The following CLIP2 variants were observed in gnomAD, a reference collection of about 807,000 sequenced individuals.
CLIP2 encodes the protein CAP-Gly domain containing linker protein 2.
In CLIP2, 41 loss-of-function variants were observed where a neutral mutation model predicts 111.7. The observed-to-expected ratio is 0.37, with a 90% CI of 0.29 to 0.48. CLIP2 has a LOEUF of 0.48. Ranked by LOEUF, CLIP2 falls within the 20% of genes least tolerant of loss-of-function variation. The pLI is 0.99. For missense variants in CLIP2, 1,160 were observed against 1,422.1 expected (o/e 0.82, Z 2.96); for synonymous variants, 660 against 644.2 (o/e 1.02, Z -0.37).
chr7:74,310,773 A>G (rs1406604142), intron 1 of CLIP2, among the ~76,000 whole-genome samples: 1 of 150,884 alleles, frequency 6.6e-6, no homozygotes, highest in Non-Finnish European at 1.5e-5. Context: ...GTGCAGTGGC[A>G]CAATCTTGGC....
At chr7:74,371,206 T>C (rs1790606389) in intron 8 of CLIP2, among the ~76,000 whole-genome samples, 1 of 135,610 alleles carries the variant, frequency 7.4e-6, no homozygotes, top group South Asian at 2.4e-4. Context: ...ATCGCGCCAC[T>C]GCGCTCCAGC....
At chr7:74,390,162 G>GAAAAAGAAAGAAAGAAAGAAAGAAAGA (rs1215571636) in intron 13 of CLIP2, among the ~76,000 whole-genome samples, 7 of 85,016 alleles carry the variant, frequency 8.2e-5, no homozygotes, top group Admixed American at 1.3e-4. Flanking sequence ...AAGAAAGAAA[G>GAAAAAGAAAGAAAGAAAGAAAGAAAGA]AAGAAAGAAA....
chr7:74,346,788 C>T (rs1011564008), intron 3 of CLIP2, among the ~76,000 whole-genome samples: 1 of 147,674 alleles, frequency 6.8e-6, no homozygotes, highest in Non-Finnish European at 1.5e-5. Context: ...AATCCAAGCA[C>T]TTTGGGAAGC....
At chr7:74,386,496 T>C in intron 11 of CLIP2, 25 bp from the exon 12 acceptor site, 1 of 1,602,914 alleles carries the variant, frequency 6.2e-7, no homozygotes, top group Non-Finnish European at 8.5e-7. Flanking sequence ...GCATTGATGC[T>C]TCTCGTCTCT....
intron 1 of CLIP2, among the ~76,000 whole-genome samples, chr7:74,294,510 TC>T (rs1183164879): frequency 6.6e-6 from 1 of 152,142 alleles, no homozygotes; most frequent in Non-Finnish European, 1.5e-5. Flanking sequence ...CGACACCCGC[TC>T]CCGATTCATT....
intron 2 of CLIP2, among the ~76,000 whole-genome samples, chr7:74,336,726 C>T (rs1471811591): frequency 6.6e-6 from 1 of 151,996 alleles, no homozygotes; most frequent in African/African-American, 2.4e-5. Context: ...AGGTGAAGCA[C>T]CTGATATCTC....
At chr7:74,369,651 G>C (rs1170306773) in intron 8 of CLIP2, among the ~76,000 whole-genome samples, 1 of 151,714 alleles carries the variant, frequency 6.6e-6, no homozygotes, top group East Asian at 1.9e-4. Flanking sequence ...GAGGTCAGGA[G>C]CTCCAAACCA....
intron 1 of CLIP2, among the ~76,000 whole-genome samples, chr7:74,306,553 C>T (rs996990121): frequency 9.9e-5 from 15 of 152,090 alleles, no homozygotes; most frequent in Admixed American, 8.5e-4. Context: ...CCCCCTCCGC[C>T]GGGGCCCTGA....
intron 3 of CLIP2, among the ~76,000 whole-genome samples, chr7:74,347,364 G>T (rs1554306532): frequency 6.6e-6 from 1 of 152,166 alleles, no homozygotes; most frequent in African/African-American, 2.4e-5. Context: ...CGCCTCCCGG[G>T]TTCACGCCAT....
chr7:74,374,020 C>A (rs1187620455), intron 9 of CLIP2, among the ~76,000 whole-genome samples: 3 of 152,110 alleles, frequency 2.0e-5, no homozygotes, highest in Non-Finnish European at 2.9e-5. Flanking sequence ...GCCCCACAGT[C>A]CCCTCCAGGC....
Position 74,376,959 on chromosome 7 carries a change from C to A in CLIP2, c.2421+137C>A. 1 of 881,724 alleles carries A rather than the reference C, an allele frequency of 1.1e-6. No individual in the cohort carries two copies. Among genetic ancestry groups the A allele is most frequent in the Non-Finnish European group, 1.7e-6 (1 of 595,018 alleles). 54.6% of individuals were successfully genotyped at this position (881,724 alleles called of 1,614,324 possible). A position where few individuals can be genotyped will look rare whatever the true frequency, so the allele number is the denominator to read the frequency against. On this transcript the variant is annotated intron_variant, in intron 10 of 16. Transcript: ENST00000223398. This position sits in a 1 kb window ranked among gnomAD's most constrained non-coding sequence, Gnocchi z 7.1. ...TGCCTGGGGCAGTCAAGGAAGGGGT[C>A]ACCTGGCTTAGAGGAGGAGGAGCTC...
intron 1 of CLIP2, among the ~76,000 whole-genome samples, chr7:74,307,759 G>A (rs1200298821): frequency 1.3e-5 from 2 of 152,160 alleles, no homozygotes; most frequent in Admixed American, 6.6e-5. Flanking sequence ...CCAAAGTTCT[G>A]GGATTACAGG....
chr7:74,351,351 G>T (rs1406885714), intron 3 of CLIP2, among the ~76,000 whole-genome samples: 1 of 149,698 alleles, frequency 6.7e-6, no homozygotes, highest in Non-Finnish European at 1.5e-5. Context: ...TACTTGGGAG[G>T]CTGAAGTGGG....
At chr7:74,344,133 T>C (rs505388) in intron 3 of CLIP2, among the ~76,000 whole-genome samples, 106,682 of 151,934 alleles carry the variant, frequency 0.7, 38,146 homozygotes, top group East Asian at 0.83. Context: ...TGGCATTCCC[T>C]CTGCACCTGC....
intron 2 of CLIP2, among the ~76,000 whole-genome samples, chr7:74,336,106 C>T (rs1337416509): frequency 2.0e-5 from 3 of 151,776 alleles, no homozygotes; most frequent in Non-Finnish European, 4.4e-5. Context: ...CTTGCTCTGT[C>T]ACCTAGGCTG....
At position 74,404,374 on chromosome 7, in the gene CLIP2, TTGTCC is replaced by T; in HGVS notation, c.*527_*531del. On this transcript the variant is annotated 3_prime_UTR_variant, in exon 17 of 17. Coordinates refer to ENST00000223398, the MANE Select transcript of CLIP2 (RefSeq NM_003388.5). Reference sequence around the variant, plus strand: ...AGGCCAAGGCAGTCGCCAGGGCTTCTTGTCCCCACCTTCTGAACCTTCTTCAAACA... The same window carrying T: ...AGGCCAAGGCAGTCGCCAGGGCTTCTCCACCTTCTGAACCTTCTTCAAACA... 6.3e-6 allele frequency: 1 copy of T among 158,910 alleles called. No homozygotes were observed. Among genetic ancestry groups the T allele is most frequent in the Non-Finnish European group, 1.4e-5 (1 of 71,690 alleles). The allele number at this position is 158,910 out of a possible 1,614,324, so 9.8% of individuals were successfully genotyped here.
At chr7:74,327,355 G>A (rs992296074) in intron 2 of CLIP2, among the ~76,000 whole-genome samples, 4 of 152,170 alleles carry the variant, frequency 2.6e-5, no homozygotes, top group African/African-American at 4.8e-5. Flanking sequence ...CACCTGCCTC[G>A]GCCTCCCAAA....
At chr7:74,358,724 C>G (rs1471802637) in intron 6 of CLIP2, among the ~76,000 whole-genome samples, 1 of 151,824 alleles carries the variant, frequency 6.6e-6, no homozygotes, top group Non-Finnish European at 1.5e-5. Context: ...TGCACGCTAC[C>G]ACATCCAGCT....
chr7:74,303,783 A>T (rs782454338), intron 1 of CLIP2, among the ~76,000 whole-genome samples: 3 of 149,762 alleles, frequency 2.0e-5, no homozygotes, highest in Non-Finnish European at 3.0e-5. Context: ...GTGGTGGTGC[A>T]CTCCTGTGGG....
Sources: allele counts gnomAD v4.1 joint callset (sites outside exome capture counted in the v4.1 genomes callset), GRCh38; gene constraint gnomAD v4.1.1; non-coding constraint Gnocchi (gnomAD v3.1); transcripts MANE v1.5; gene names NCBI Gene and HGNC (gene_info 2026-07-23, HGNC 2026-07-21).